The following DPP6 variants were observed in gnomAD, a reference collection of about 807,000 sequenced individuals.
DPP6 encodes the protein dipeptidyl peptidase like 6.
DPP6 carries 69 observed loss-of-function variants against 122.6 expected under a neutral mutation model. The ratio of observed to expected loss-of-function variants is 0.56; its 90% CI spans 0.46 to 0.69. The LOEUF (loss-of-function observed/expected upper bound fraction) is 0.69, where lower values mean the gene tolerates loss of function less well. Ranked by LOEUF, DPP6 falls within the 30% of genes least tolerant of loss-of-function variation. The pLI is 0.00. For synonymous variants in DPP6, 418 were observed against 433.1 expected, an observed-to-expected ratio of 0.97 and a Z score of 0.43; for missense variants, 928 against 1,116.9, an observed-to-expected ratio of 0.83 and a Z score of 2.41.
intron 1 of DPP6, among the ~76,000 whole-genome samples, chr7:154,076,948 C>A (rs2628730): frequency 6.6e-6 from 1 of 152,094 alleles, no homozygotes; most frequent in Admixed American, 6.5e-5. Context: ...GACCGAAAAA[C>A]CACAGATTCC....
intron 1 of DPP6, among the ~76,000 whole-genome samples, chr7:154,129,439 G>T (rs1177124642): frequency 1.3e-5 from 2 of 152,200 alleles, no homozygotes; most frequent in African/African-American, 4.8e-5. Flanking sequence ...CACCCTCCTA[G>T]CTCCTTCCCT....
At chr7:154,467,951 C>T (rs933259986) in intron 2 of DPP6, among the ~76,000 whole-genome samples, 1 of 152,184 alleles carries the variant, frequency 6.6e-6, no homozygotes, top group African/African-American at 2.4e-5. Flanking sequence ...AAAGGTTTTT[C>T]AGCCATGCTC....
rs986450259 is a variant in DPP6 at position 154,486,150 on chromosome 7, T to C, written c.457+11113T>C. Among the ~76,000 whole-genome samples the C allele has an allele frequency of 1.3e-5, 2 of 151,802 alleles. No homozygotes were observed. The highest frequency in any genetic ancestry group is 4.8e-5 in the African/African-American group (2 of 41,266). ...TCATGGCCTCTATTTTGTTTTTTTT[T>C]TGAGATGGAGTCTCACTCTATCGCC... On this transcript the variant is annotated intron_variant, in intron 3 of 25. Transcript: ENST00000377770. The surrounding 1 kb of genome is among the most constrained non-coding windows in gnomAD (Gnocchi z 4.5).
the DPP6 span, among the ~76,000 whole-genome samples, chr7:153,871,793 C>A: frequency 9.4e-3 from 1,433 of 152,256 alleles, 25 homozygotes; most frequent in African/African-American, 0.033. Context: ...CATCTTGGCT[C>A]CACCCCAAAA....
rs1320520895 is a variant in DPP6 at position 154,605,879 on chromosome 7, G to A, written c.628-31942G>A. Among the ~76,000 whole-genome samples the A allele has an allele frequency of 1.7e-5, 2 of 119,298 alleles. 1 individual carries two copies. Among genetic ancestry groups the A allele is most frequent in the East Asian group, 7.2e-4 (2 of 2,792 alleles). The allele number at this position is 119,298 out of a possible 152,430, so 78.3% of individuals were successfully genotyped here. ...CTGGATCTGTGAGTCTTGATACGGA[G>A]TGTTCATTACATTCAATGCTAAATA... On this transcript the variant is annotated intron_variant, in intron 5 of 25. Transcript: ENST00000377770.
intron 1 of DPP6, among the ~76,000 whole-genome samples, chr7:153,915,831 A>C (rs1800280680): frequency 6.6e-6 from 1 of 152,240 alleles, no homozygotes; most frequent in Non-Finnish European, 1.5e-5. Context: ...CAAAATAAAT[A>C]ATATGTTTAG....
intron 1 of DPP6, among the ~76,000 whole-genome samples, chr7:154,268,704 C>G (rs1214587298): frequency 6.6e-6 from 1 of 152,076 alleles, no homozygotes; most frequent in African/African-American, 2.4e-5. Flanking sequence ...CTGCATTTGC[C>G]TCAATGATTT....
chr7:154,589,210 T>C (rs749802200), intron 5 of DPP6, among the ~76,000 whole-genome samples: 8 of 152,322 alleles, frequency 5.3e-5, no homozygotes, highest in East Asian at 1.9e-4. Flanking sequence ...CGCTTTTTCA[T>C]GTGCTGATTT....
Position 154,312,333 on chromosome 7 carries a change from C to T in DPP6, c.244-133881C>T, listed in dbSNP as rs1443741165. 2.0e-5 allele frequency among the ~76,000 whole-genome samples: 3 copies of T among 152,220 alleles called. No homozygotes were observed. In the East Asian group the frequency reaches 5.8e-4, roughly 29 times the overall value. The stretch of plus-strand genomic sequence containing the variant: ...GTCAGTGCTGTGGGTCCCCTTTGAT[C>T]CTGGTGGCTGGGATCCTGAATGCAG... On this transcript the variant is annotated intron_variant, in intron 1 of 25. Transcript: ENST00000377770.
intron 8 of DPP6, among the ~76,000 whole-genome samples, chr7:154,746,520 A>G (rs1305986692): frequency 6.6e-6 from 1 of 152,198 alleles, no homozygotes; most frequent in African/African-American, 2.4e-5. Flanking sequence ...GTACCAGCAA[A>G]TGCTTCTTAA....
At chr7:153,760,706 T>C in the DPP6 span, among the ~76,000 whole-genome samples, 129 of 152,260 alleles carry the variant, frequency 8.5e-4, no homozygotes, top group Admixed American at 3.0e-3. Flanking sequence ...GCGTATTCTA[T>C]GAAATGTCCA....
chr7:154,082,393 C>A (rs1488492565), intron 1 of DPP6, among the ~76,000 whole-genome samples: 1 of 152,110 alleles, frequency 6.6e-6, no homozygotes, highest in Non-Finnish European at 1.5e-5. Flanking sequence ...GATCCAGGGT[C>A]AAACACTGAA....
intron 1 of DPP6, among the ~76,000 whole-genome samples, chr7:153,984,214 A>G (rs1354915066): frequency 6.6e-6 from 1 of 152,210 alleles, no homozygotes; most frequent in Non-Finnish European, 1.5e-5. Flanking sequence ...TTGTTAGGTC[A>G]GAGCTATTTC....
chr7:154,172,738 C>G (rs1209028116), intron 1 of DPP6, among the ~76,000 whole-genome samples: 3 of 151,762 alleles, frequency 2.0e-5, no homozygotes, highest in Admixed American at 6.6e-5. Context: ...GTAGCTGGGA[C>G]TACAGGTGCC....
intron 1 of DPP6, among the ~76,000 whole-genome samples, chr7:153,987,160 A>G (rs1440468962): frequency 6.6e-6 from 1 of 152,246 alleles, no homozygotes; most frequent in African/African-American, 2.4e-5. Context: ...GTTTTATGGC[A>G]TCACCCTTGC....
At chr7:153,870,356 A>G in the DPP6 span, among the ~76,000 whole-genome samples, 2 of 152,050 alleles carry the variant, frequency 1.3e-5, no homozygotes, top group African/African-American at 4.8e-5. Flanking sequence ...GTTTCTTTTT[A>G]TTCTTTTTTC....
chr7:154,865,323 G>C (rs1361111300), intron 17 of DPP6: 1 of 152,206 alleles, frequency 6.6e-6, no homozygotes, highest in Non-Finnish European at 1.5e-5. Flanking sequence ...TTTTGCACCT[G>C]GGATGATCAT....
At chr7:154,067,503 G>A (rs1802815118) in intron 1 of DPP6, among the ~76,000 whole-genome samples, 1 of 152,122 alleles carries the variant, frequency 6.6e-6, no homozygotes, top group African/African-American at 2.4e-5. Context: ...ATTCAGGGAG[G>A]TATGTGGGCC....
At chr7:154,677,412 A>G (rs899713974) in intron 7 of DPP6, among the ~76,000 whole-genome samples, 1 of 152,158 alleles carries the variant, frequency 6.6e-6, no homozygotes, top group South Asian at 2.1e-4. Context: ...ACTCGTGCTG[A>G]CTTACCTTAT....
Sources: gnomAD v4.1 joint callset for allele counts (sites outside exome capture counted in the v4.1 genomes callset) on GRCh38, gnomAD v4.1.1 for gene constraint, Gnocchi (gnomAD v3.1) non-coding constraint, MANE v1.5 for transcripts, NCBI Gene and HGNC (gene_info 2026-07-23, HGNC 2026-07-21) for gene names.